Variants in SAMD5 observed in about 807,000 individuals in gnomAD.
SAMD5 encodes the protein sterile alpha motif domain-containing protein 5.
Under a neutral mutation model 11.3 loss-of-function variants are expected in SAMD5, and 13 were observed. That is an observed-to-expected ratio of 1.15 (90% CI 0.75 to 1.83). The LOEUF (loss-of-function observed/expected upper bound fraction) is 1.83. Ranked by LOEUF, SAMD5 falls within the 40% of genes most tolerant of loss-of-function variation. SAMD5 has a pLI of 0.00. For missense variants in SAMD5, 255 were observed against 239.1 expected, an observed-to-expected ratio of 1.07 and a Z score of -0.44; for synonymous variants, 129 against 111.3, an observed-to-expected ratio of 1.16 and a Z score of -1.00.
the SAMD5 span, among the ~76,000 whole-genome samples, chr6:147,894,815 T>C: frequency 6.6e-6 from 1 of 152,344 alleles, no homozygotes; most frequent in East Asian, 1.9e-4. Context: ...TAACTGAGGC[T>C]CATTTTTTGG....
chr6:147,775,645 G>A, the SAMD5 span, among the ~76,000 whole-genome samples: 1 of 152,266 alleles, frequency 6.6e-6, no homozygotes, highest in Non-Finnish European at 1.5e-5. Context: ...AGATACCCAA[G>A]GAGGATCAGG....
At chr6:147,916,811 G>GT in the SAMD5 span, among the ~76,000 whole-genome samples, 2,126 of 148,586 alleles carry the variant, frequency 0.014, 57 homozygotes, top group African/African-American at 0.051. Flanking sequence ...ACGGTGTTTG[G>GT]TTTTTTGTTC....
the SAMD5 span, among the ~76,000 whole-genome samples, chr6:147,831,486 T>C: frequency 1.3e-5 from 2 of 152,232 alleles, no homozygotes; most frequent in African/African-American, 4.8e-5. Flanking sequence ...GGATTCTCTG[T>C]TGTCAGTTGG....
chr6:147,748,880 T>G, the SAMD5 span, among the ~76,000 whole-genome samples: 2 of 152,214 alleles, frequency 1.3e-5, no homozygotes, highest in East Asian at 3.9e-4. Context: ...TATATATGGG[T>G]TGAACCAACC....
chr6:147,909,612 CT>C, the SAMD5 span, among the ~76,000 whole-genome samples: 3,318 of 73,012 alleles, frequency 0.045, 226 homozygotes, highest in East Asian at 0.12. Context: ...TTCTTTCTTT[CT>C]TTCTTTCTTT....
the SAMD5 span, among the ~76,000 whole-genome samples, chr6:147,892,027 A>G: frequency 7.2e-5 from 11 of 152,198 alleles, no homozygotes; most frequent in African/African-American, 2.2e-4. Context: ...TGCCGAGTCC[A>G]GTCACATTGC....
intron 1 of SAMD5, among the ~76,000 whole-genome samples, chr6:147,527,137 T>C (rs1450342943): frequency 6.6e-6 from 1 of 152,220 alleles, no homozygotes; most frequent in Non-Finnish European, 1.5e-5. Flanking sequence ...CCTCTTTTCA[T>C]TGATCAAAGG....
At position 147,711,548 on chromosome 6, in the gene SAMD5, G is replaced by A. The variant is rs765969215; in HGVS notation, c.163-25769G>A. Among the ~76,000 whole-genome samples the A allele has an allele frequency of 1.2e-4, 18 of 152,174 alleles. No homozygotes were observed. The highest frequency in any genetic ancestry group is 1.8e-4 in the Non-Finnish European group (12 of 68,032). ...CCTATTTTTGTTAATCACTATAAAC[G>A]GTGGCTGTAGCAGAGCTGATTCATT... On this transcript the variant is annotated intron_variant, in intron 1 of 1. Coordinates refer to the SAMD5 transcript ENST00000566741. The surrounding 1 kb of genome is among the most constrained non-coding windows in gnomAD (Gnocchi z 4.1).
the SAMD5 span, among the ~76,000 whole-genome samples, chr6:147,947,202 G>T: frequency 6.6e-6 from 1 of 152,002 alleles, no homozygotes; most frequent in African/African-American, 2.4e-5. Context: ...CCTTTTGCTT[G>T]CCTGTGGTTG....
At chr6:147,553,832 A>G (rs558455792) in intron 1 of SAMD5, among the ~76,000 whole-genome samples, 2 of 151,670 alleles carry the variant, frequency 1.3e-5, no homozygotes. Context: ...ACATCACAGC[A>G]TGTTTTTTTT....
chr6:147,658,337 C>T (rs887944840), intron 1 of SAMD5, among the ~76,000 whole-genome samples: 3 of 152,206 alleles, frequency 2.0e-5, no homozygotes, highest in Non-Finnish European at 4.4e-5. Context: ...CAGTAGTGCC[C>T]AAGGTGCAAG....
At chr6:147,848,796 AGCAC>A in the SAMD5 span, among the ~76,000 whole-genome samples, 1 of 152,244 alleles carries the variant, frequency 6.6e-6, no homozygotes, top group Non-Finnish European at 1.5e-5. Flanking sequence ...GATCAGCCAC[AGCAC>A]TTTAACTTGT....
the SAMD5 span, among the ~76,000 whole-genome samples, chr6:147,807,084 T>TG: frequency 1.4e-4 from 22 of 152,056 alleles, no homozygotes; most frequent in African/African-American, 4.8e-4. Context: ...CTGTTGTTTT[T>TG]TTTTGTTTTG....
intron 1 of SAMD5, among the ~76,000 whole-genome samples, chr6:147,663,454 T>C (rs757126604): frequency 2.0e-5 from 3 of 152,070 alleles, no homozygotes; most frequent in Non-Finnish European, 2.9e-5. Flanking sequence ...CCTGCACTTG[T>C]ACCCTTGAAG....
At chr6:147,571,478 G>A (rs540052996), downstream of SAMD5, among the ~76,000 whole-genome samples, 2 of 151,666 alleles carry the variant, frequency 1.3e-5, no homozygotes, top group Admixed American at 6.6e-5. Context: ...TACTCTACCC[G>A]CACCCCGCCC....
At chr6:147,601,278 A>C (rs946173788) in intron 1 of SAMD5, among the ~76,000 whole-genome samples, 1 of 152,148 alleles carries the variant, frequency 6.6e-6, no homozygotes, top group African/African-American at 2.4e-5. Context: ...GGTTTCTCCC[A>C]TATGAGTTTA....
At chr6:147,688,080 A>G (rs1791044559) in intron 1 of SAMD5, among the ~76,000 whole-genome samples, 1 of 151,842 alleles carries the variant, frequency 6.6e-6, no homozygotes, top group African/African-American at 2.4e-5. Context: ...AGGGTCCCAT[A>G]TTCTCTTTTT....
In SAMD5 at chr6:147,601,012, T is replaced by C. The variant is rs865893575; in HGVS notation, c.162+91625T>C. On this transcript the variant is annotated intron_variant, in intron 1 of 1. Transcript: ENST00000566741. ...CACAGGTGGGATGTTCTTGCTGTGGTTGGGACTGAACTATGATTATTTTAT... is the reference window on the plus strand; with the variant it reads ...CACAGGTGGGATGTTCTTGCTGTGGCTGGGACTGAACTATGATTATTTTAT... Among the ~76,000 whole-genome samples the C allele has an allele frequency of 4.6e-5, 7 of 152,294 alleles. No individual in the cohort carries two copies. The South Asian group carries it at 8.3e-4, about 18-fold the overall frequency.
the SAMD5 span, among the ~76,000 whole-genome samples, chr6:147,885,441 G>A: frequency 6.6e-6 from 1 of 152,034 alleles, no homozygotes; most frequent in Non-Finnish European, 1.5e-5. Context: ...ACAAAATAAG[G>A]TTGGGTCAAG....
Sources: allele counts gnomAD v4.1 joint callset (sites outside exome capture counted in the v4.1 genomes callset), GRCh38; gene constraint gnomAD v4.1.1; non-coding constraint Gnocchi (gnomAD v3.1); transcripts MANE v1.5; gene names NCBI Gene and HGNC (gene_info 2026-07-23, HGNC 2026-07-21).